HECTD4: variants seen among roughly 807,000 people sequenced by gnomAD.
The protein encoded by HECTD4 is probable E3 ubiquitin-protein ligase HECTD4.
A neutral mutation model predicts 471.5 loss-of-function variants in HECTD4; 114 were observed. The observed-to-expected ratio is 0.24, with a 90% CI of 0.21 to 0.28. The LOEUF is 0.28. HECTD4 is among the 10% of genes least tolerant of loss of function. The probability of loss-of-function intolerance (pLI) is 1.00; values close to 1 mark genes in which losing one functional copy is unlikely to be tolerated. For missense variants in HECTD4, 3,866 were observed against 5,651.5 expected (o/e 0.68, Z 10.13); for synonymous variants, 2,012 against 2,256.0 (o/e 0.89, Z 3.07).
At chr12:112,232,189 G>C (rs561721161) in intron 38 of HECTD4, among the ~76,000 whole-genome samples, 1 of 152,152 alleles carries the variant, frequency 6.6e-6, no homozygotes, top group Non-Finnish European at 1.5e-5. Context: ...AGAGTGCAGT[G>C]GTGCGATCTC....
intron 1 of HECTD4, among the ~76,000 whole-genome samples, chr12:112,339,667 C>T (rs2135724724): frequency 6.6e-6 from 1 of 152,248 alleles, no homozygotes; most frequent in South Asian, 2.1e-4. Flanking sequence ...CATACACATC[C>T]ACTCAGACCT....
intron 44 of HECTD4, among the ~76,000 whole-genome samples, chr12:112,219,991 T>C (rs573322688): frequency 3.3e-5 from 5 of 152,090 alleles, no homozygotes; most frequent in Non-Finnish European, 7.4e-5. Context: ...GTGCTTAGCC[T>C]CTGGTGCAGT....
intron 16 of HECTD4, among the ~76,000 whole-genome samples, chr12:112,264,659 G>A (rs1049040572): frequency 1.3e-5 from 2 of 152,132 alleles, no homozygotes; most frequent in African/African-American, 4.8e-5. Context: ...TCAATTTATT[G>A]CATCAAGCAA....
intron 59 of HECTD4, 109 bp from the exon 60 acceptor site, chr12:112,191,074 A>G: frequency 1.2e-6 from 1 of 841,062 alleles, no homozygotes; most frequent in Non-Finnish European, 1.8e-6. Context: ...TGGAGAGCCC[A>G]CCCACTCATC....
At chr12:112,206,637 T>A (rs1045677943) in intron 52 of HECTD4, among the ~76,000 whole-genome samples, 3 of 150,198 alleles carry the variant, frequency 2.0e-5, no homozygotes, top group African/African-American at 7.3e-5. Context: ...CCCGGGTTCC[T>A]GCCATTCTCC....
rs1305728155 is a variant in HECTD4, at chr12:112,172,713, C to A, written c.11743G>T (p.Asp3915Tyr). 1 of 1,613,890 alleles carries A rather than the reference C, an allele frequency of 6.2e-7. No individual in the cohort carries two copies. Among genetic ancestry groups the A allele is most frequent in the African/African-American group, 1.3e-5 (1 of 74,920 alleles). ...ARLHPHEVYL[D>Y]PADAADPRVA... Reference sequence around the variant, plus strand: ...CTGGGGTCAGCAGCATCCGCGGGGTCCAGGTACACCTCATGGGGATGGAGC... The same window carrying A: ...CTGGGGTCAGCAGCATCCGCGGGGTACAGGTACACCTCATGGGGATGGAGC... Residue 3915 changes from aspartate to tyrosine, a missense_variant, in exon 67 of 76, where the codon GAC becomes TAC. Transcript: ENST00000682272.
chr12:112,177,573 G>A (rs12580428), intron 64 of HECTD4, among the ~76,000 whole-genome samples: 14,991 of 152,062 alleles, frequency 0.099, 808 homozygotes, highest in East Asian at 0.23. Context: ...GTAGAGACGA[G>A]GTTTCACCGT....
chr12:112,189,158 C>A (rs1051637637), intron 60 of HECTD4, among the ~76,000 whole-genome samples: 5 of 152,190 alleles, frequency 3.3e-5, no homozygotes, highest in South Asian at 4.1e-4. Flanking sequence ...CTGCGCTTGG[C>A]CCTCCTAGGG....
chr12:112,238,935 ATCT>A, intron 34 of HECTD4, 114 bp downstream of exon 34: 2 of 995,310 alleles, frequency 2.0e-6, no homozygotes, highest in Non-Finnish European at 2.9e-6. Flanking sequence ...GATTTAACCC[ATCT>A]GATCATGTCA....
Position 112,193,721 on chromosome 12 carries a change from G to C in HECTD4, c.8750-47C>G. The C allele has an allele frequency of 2.0e-6, 3 of 1,528,896 alleles. No individual in the cohort carries two copies. The highest frequency in any genetic ancestry group is 1.4e-5 in the African/African-American group (1 of 73,230). The allele number at this position is 1,528,896 out of a possible 1,614,324, so 94.7% of individuals were successfully genotyped here. ...AAGTTGACAAGAATCAAAGCAGCCA[G>C]TAGCTGTGAGAGTCTAAGTAACAGA... is the stretch of plus-strand genomic sequence containing the variant. On this transcript the variant is annotated intron_variant, in intron 56 of 75. Coordinates refer to ENST00000682272, the MANE Select transcript of HECTD4 (RefSeq NM_001388303.1). This position sits in a 1 kb window ranked among gnomAD's most constrained non-coding sequence, Gnocchi z 5.2.
chr12:112,232,667 T>C (rs1041313658), intron 38 of HECTD4, among the ~76,000 whole-genome samples: 6 of 152,220 alleles, frequency 3.9e-5, no homozygotes, highest in African/African-American at 1.4e-4. Context: ...TTATTATCTG[T>C]TATTTTCTTA....
At position 112,184,280 on chromosome 12, in the gene HECTD4, G is replaced by C; in HGVS notation, c.10686C>G (p.Ala3562=). Residue 3562 remains alanine (A), a synonymous_variant, in exon 61 of 76, where the codon GCC becomes GCG. Transcript: ENST00000682272. The surrounding 1 kb of genome is among the most constrained non-coding windows in gnomAD (Gnocchi z 9.1). ...LGEPLDNAET[A]SVSDMGSMYT... Reference sequence around the variant, plus strand: ...ACATGGAGCCCATGTCCGACACCGAGGCCGTCTCTGCATTGTCCAGGGGCT... The same window carrying C: ...ACATGGAGCCCATGTCCGACACCGACGCCGTCTCTGCATTGTCCAGGGGCT... 1 of 1,613,544 alleles carries C rather than the reference G, an allele frequency of 6.2e-7. No homozygotes were observed. Among genetic ancestry groups the C allele is most frequent in the Non-Finnish European group, 8.5e-7 (1 of 1,179,864 alleles).
At chr12:112,301,270 C>A (rs1594025631) in intron 7 of HECTD4, among the ~76,000 whole-genome samples, 1 of 151,476 alleles carries the variant, frequency 6.6e-6, no homozygotes, top group African/African-American at 2.4e-5. Context: ...CTTGGTGGAG[C>A]CTACCAGGTT....
chr12:112,269,649 G>A (rs2034372451), intron 13 of HECTD4, 55 bp downstream of exon 13: 2 of 1,584,064 alleles, frequency 1.3e-6, no homozygotes, highest in African/African-American at 2.7e-5. Context: ...AGATTACAAT[G>A]CCTTGCAGAA....
chr12:112,302,491 A>C, intron 7 of HECTD4: 1 of 741,024 alleles, frequency 1.3e-6, no homozygotes, highest in South Asian at 1.4e-5. Context: ...GCAACCTGAC[A>C]TAGCGGGCCA....
intron 66 of HECTD4, among the ~76,000 whole-genome samples, chr12:112,175,402 A>G (rs1012539175): frequency 6.6e-6 from 1 of 152,162 alleles, no homozygotes; most frequent in East Asian, 1.9e-4. Flanking sequence ...CCCAGGAGAA[A>G]CCAGCACTGC....
intron 1 of HECTD4, among the ~76,000 whole-genome samples, chr12:112,378,201 T>C (rs571357868): frequency 2.0e-5 from 3 of 152,160 alleles, no homozygotes; most frequent in Admixed American, 6.6e-5. Context: ...TAAAGTCTCT[T>C]CTGCTCTAAA....
At chr12:112,170,249 C>G in intron 69 of HECTD4, 84 bp downstream of exon 69, 1 of 1,529,376 alleles carries the variant, frequency 6.5e-7, no homozygotes, top group Non-Finnish European at 8.8e-7. Flanking sequence ...CAGCCCTGGA[C>G]CCCCTTCTTT....
At chr12:112,212,029 G>A (rs957403282) in intron 49 of HECTD4, among the ~76,000 whole-genome samples, 47 of 152,328 alleles carry the variant, frequency 3.1e-4, no homozygotes, top group African/African-American at 1.1e-3. Context: ...GATATTAATA[G>A]ATGCCCCTTA....
Sources: allele counts gnomAD v4.1 joint callset (sites outside exome capture counted in the v4.1 genomes callset), GRCh38; gene constraint gnomAD v4.1.1; non-coding constraint Gnocchi (gnomAD v3.1); transcripts MANE v1.5; gene names NCBI Gene and HGNC (gene_info 2026-07-23, HGNC 2026-07-21).